DLG2: variants seen among roughly 807,000 people sequenced by gnomAD.
The protein encoded by DLG2 is disks large homolog 2.
A neutral mutation model predicts 132.5 loss-of-function variants in DLG2; 45 were observed. The ratio of observed to expected loss-of-function variants is 0.34; its 90% CI spans 0.27 to 0.44. The LOEUF (loss-of-function observed/expected upper bound fraction) is 0.44, where lower values mean the gene tolerates loss of function less well. Among genes scored for constraint, DLG2 ranks in the 20% least tolerant of loss-of-function variants. DLG2 has a pLI of 1.00. For missense variants in DLG2, 1,045 were observed against 1,196.9 expected (o/e 0.87, Z 1.87); for synonymous variants, 424 against 419.6 (o/e 1.01, Z -0.13).
intron 6 of DLG2, among the ~76,000 whole-genome samples, chr11:85,044,733 A>G (rs544663570): frequency 6.6e-6 from 1 of 152,172 alleles, no homozygotes; most frequent in African/African-American, 2.4e-5. Context: ...CCCATCAGAA[A>G]AGCAATTTCT....
chr11:84,808,097 A>G (rs1304729730), intron 6 of DLG2, among the ~76,000 whole-genome samples: 1 of 152,158 alleles, frequency 6.6e-6, no homozygotes, highest in East Asian at 1.9e-4. Context: ...CAGAGCCACA[A>G]TGCAAATCTC....
intron 3 of DLG2, among the ~76,000 whole-genome samples, chr11:85,597,405 C>A (rs1439796811): frequency 4.0e-5 from 6 of 151,892 alleles, no homozygotes; most frequent in Non-Finnish European, 7.4e-5. Context: ...TAAAAATGTT[C>A]TCAAAAATAT....
chr11:83,905,371 C>A (rs893262909), intron 15 of DLG2, among the ~76,000 whole-genome samples: 3 of 152,136 alleles, frequency 2.0e-5, no homozygotes, highest in Non-Finnish European at 4.4e-5. Context: ...AACTTCCTTA[C>A]AAAAACCTTC....
intron 6 of DLG2, among the ~76,000 whole-genome samples, chr11:84,737,108 G>C (rs2063937260): frequency 1.3e-5 from 2 of 151,780 alleles, no homozygotes; most frequent in Admixed American, 6.6e-5. Flanking sequence ...TATTGATTTT[G>C]TCACATGGTT....
intron 6 of DLG2, among the ~76,000 whole-genome samples, chr11:84,848,135 A>T (rs1055354842): frequency 6.6e-6 from 1 of 152,132 alleles, no homozygotes; most frequent in Admixed American, 6.6e-5. Context: ...TCTAATCAAC[A>T]TGCATTCCTT....
At chr11:83,462,468 G>A (rs991534257) in intron 26 of DLG2, among the ~76,000 whole-genome samples, 1 of 152,158 alleles carries the variant, frequency 6.6e-6, no homozygotes, top group African/African-American at 2.4e-5. Context: ...CTGTCCTATT[G>A]CTTCATCTAT....
At chr11:84,645,532 A>G (rs1166543303) in intron 6 of DLG2, among the ~76,000 whole-genome samples, 2 of 152,180 alleles carry the variant, frequency 1.3e-5, no homozygotes, top group African/African-American at 4.8e-5. Flanking sequence ...CAGTCGCACG[A>G]TCTCGGCTCA....
chr11:85,611,663 G>A (rs2081007559), intron 2 of DLG2, among the ~76,000 whole-genome samples: 1 of 152,234 alleles, frequency 6.6e-6, no homozygotes, highest in Admixed American at 6.5e-5. Context: ...AACTGGGAAA[G>A]GGAAAAAGAA....
intron 8 of DLG2, among the ~76,000 whole-genome samples, chr11:84,183,535 A>G (rs2096198325): frequency 6.6e-6 from 1 of 152,218 alleles, no homozygotes; most frequent in Non-Finnish European, 1.5e-5. Context: ...AGTTGACAAG[A>G]AAAAACATAA....
chr11:83,524,993 C>T (rs2095570907), intron 21 of DLG2, among the ~76,000 whole-genome samples: 1 of 152,178 alleles, frequency 6.6e-6, no homozygotes, highest in Non-Finnish European at 1.5e-5. Context: ...GTTTCAATGG[C>T]AGTGCTTTGT....
chr11:83,973,176 A>G (rs1003824619), intron 12 of DLG2, among the ~76,000 whole-genome samples: 7 of 152,104 alleles, frequency 4.6e-5, no homozygotes, highest in Admixed American at 3.9e-4. Flanking sequence ...TAAACAATAT[A>G]TTAGCATAGT....
intron 18 of DLG2, among the ~76,000 whole-genome samples, chr11:83,769,165 A>G (rs147942089): frequency 6.6e-6 from 1 of 152,132 alleles, no homozygotes; most frequent in East Asian, 1.9e-4. Context: ...TCATAAGTGG[A>G]CTTTCATGAT....
chr11:84,650,873 G>GTGTGTGTATATATATATATATATATA (rs1424393386), intron 6 of DLG2, among the ~76,000 whole-genome samples: 3 of 124,008 alleles, frequency 2.4e-5, no homozygotes, highest in African/African-American at 9.5e-5. Flanking sequence ...GTGTGTGTGT[G>GTGTGTGTATATATATATATATATATA]TATATATATA....
chr11:83,676,515 C>T (rs1358792462), intron 18 of DLG2, among the ~76,000 whole-genome samples: 1 of 152,180 alleles, frequency 6.6e-6, no homozygotes, highest in African/African-American at 2.4e-5. Context: ...TGTAGGCATA[C>T]TATGTGTTAA....
intron 7 of DLG2, among the ~76,000 whole-genome samples, chr11:84,507,673 C>T (rs1286896518): frequency 1.3e-5 from 2 of 152,114 alleles, no homozygotes; most frequent in Non-Finnish European, 2.9e-5. Context: ...GAGAGTTTTT[C>T]ATCACGAAGG....
At chr11:84,298,265 T>C (rs2098115369) in intron 7 of DLG2, among the ~76,000 whole-genome samples, 1 of 152,154 alleles carries the variant, frequency 6.6e-6, no homozygotes, top group South Asian at 2.1e-4. Flanking sequence ...CATGTGAAAA[T>C]TATATGTTTC....
intron 8 of DLG2, among the ~76,000 whole-genome samples, chr11:84,203,948 G>T (rs1455437335): frequency 6.6e-6 from 1 of 152,024 alleles, no homozygotes; most frequent in Non-Finnish European, 1.5e-5. Context: ...AAAAGTCGGG[G>T]AAAAATATTT....
intron 19 of DLG2, among the ~76,000 whole-genome samples, chr11:83,603,348 G>T (rs992633296): frequency 6.6e-6 from 1 of 151,918 alleles, no homozygotes; most frequent in Non-Finnish European, 1.5e-5. Context: ...GCCCATCCAT[G>T]TTGATGTATA....
At chr11:84,661,466 AC>A (rs2154547999) in intron 6 of DLG2, among the ~76,000 whole-genome samples, 1 of 152,306 alleles carries the variant, frequency 6.6e-6, no homozygotes, top group Admixed American at 6.5e-5. Flanking sequence ...CCTAATGCTC[AC>A]ATCTTCAGGG....
Sources: allele counts gnomAD v4.1 joint callset (sites outside exome capture counted in the v4.1 genomes callset), GRCh38; gene constraint gnomAD v4.1.1; transcripts MANE v1.5; gene names NCBI Gene and HGNC (gene_info 2026-07-23, HGNC 2026-07-21).